Variants in SCRG1 observed in about 807,000 individuals in gnomAD.
SCRG1 encodes the protein scrapie-responsive protein 1.
SCRG1 carries 3 observed loss-of-function variants against 7.7 expected under a neutral mutation model. That is an observed-to-expected ratio of 0.39 (90% confidence interval 0.18 to 1.01). SCRG1 has a LOEUF of 1.01. Among genes scored for constraint, SCRG1 ranks in the 50% least tolerant of loss-of-function variants. The pLI is 0.36. For missense variants in SCRG1, 110 were observed against 117.2 expected (o/e 0.94, Z 0.28); for synonymous variants, 46 against 41.2 (o/e 1.12, Z -0.44).
chr4:173,434,411 C>T, the SCRG1 span, among the ~76,000 whole-genome samples: 17 of 152,136 alleles, frequency 1.1e-4, no homozygotes, highest in African/African-American at 3.6e-4. Context: ...CAACTGTAAA[C>T]CACATATTTG....
At chr4:173,514,012 T>G in the SCRG1 span, among the ~76,000 whole-genome samples, 4 of 152,226 alleles carry the variant, frequency 2.6e-5, no homozygotes, top group Admixed American at 2.0e-4. Context: ...GCTAAATATA[T>G]TCCACATAAT....
At chr4:173,479,013 C>T in the SCRG1 span, among the ~76,000 whole-genome samples, 2 of 152,186 alleles carry the variant, frequency 1.3e-5, no homozygotes, top group African/African-American at 4.8e-5. Context: ...TACTAAGAGT[C>T]TACTAGCCGT....
At chr4:173,467,482 A>G in the SCRG1 span, among the ~76,000 whole-genome samples, 1 of 152,216 alleles carries the variant, frequency 6.6e-6, no homozygotes, top group South Asian at 2.1e-4. Context: ...GGGAGAGTAG[A>G]CAAGACTGAA....
At chr4:173,408,049 T>C (rs1739949762), upstream of SCRG1, among the ~76,000 whole-genome samples, 1 of 152,236 alleles carries the variant, frequency 6.6e-6, no homozygotes, top group Admixed American at 6.5e-5. Flanking sequence ...ACTTGCTCCC[T>C]TTATGTGTAT....
the SCRG1 span, among the ~76,000 whole-genome samples, chr4:173,490,111 C>T: frequency 6.6e-3 from 1,003 of 152,208 alleles, 14 homozygotes; most frequent in African/African-American, 0.022. Flanking sequence ...AGAAGTCTGA[C>T]GATTCTAAAT....
upstream of SCRG1, among the ~76,000 whole-genome samples, chr4:173,409,841 G>A (rs1473392774): frequency 1.3e-5 from 2 of 151,906 alleles, no homozygotes; most frequent in South Asian, 2.1e-4. Context: ...CGTCCGCCTC[G>A]GCCTCCCAAA....
At chr4:173,515,115 G>T in the SCRG1 span, among the ~76,000 whole-genome samples, 2 of 152,176 alleles carry the variant, frequency 1.3e-5, no homozygotes, top group Non-Finnish European at 2.9e-5. This position sits in a 1 kb window ranked among gnomAD's most constrained non-coding sequence, Gnocchi z 4.6. Flanking sequence ...GTGGCAACTG[G>T]GGGAAACGGT....
chr4:173,498,886 G>A, the SCRG1 span, among the ~76,000 whole-genome samples: 1 of 152,154 alleles, frequency 6.6e-6, no homozygotes, highest in African/African-American at 2.4e-5. Context: ...TCTAACTATT[G>A]GTTATGTAAT....
chr4:173,492,176 G>T, the SCRG1 span, among the ~76,000 whole-genome samples: 1 of 151,582 alleles, frequency 6.6e-6, no homozygotes, highest in South Asian at 2.1e-4. Flanking sequence ...ATAAAATCAA[G>T]TATCAAAACA....
At chr4:173,435,425 T>G in the SCRG1 span, among the ~76,000 whole-genome samples, 1 of 152,212 alleles carries the variant, frequency 6.6e-6, no homozygotes, top group Non-Finnish European at 1.5e-5. Flanking sequence ...CATCCCTGTC[T>G]GGTCACCGGG....
the SCRG1 span, among the ~76,000 whole-genome samples, chr4:173,450,420 C>T: frequency 3.9e-5 from 6 of 152,146 alleles, no homozygotes; most frequent in South Asian, 2.1e-4. Flanking sequence ...TGATCCTGGG[C>T]GTTCCTGAGC....
the SCRG1 span, among the ~76,000 whole-genome samples, chr4:173,511,474 G>T: frequency 6.6e-6 from 1 of 151,896 alleles, no homozygotes; most frequent in African/African-American, 2.4e-5. The surrounding 1 kb of genome is among the most constrained non-coding windows in gnomAD (Gnocchi z 5.2). Flanking sequence ...GTTTTCTGCT[G>T]CAACTTTCTC....
chr4:173,461,932 G>C, the SCRG1 span, among the ~76,000 whole-genome samples: 2 of 151,936 alleles, frequency 1.3e-5, no homozygotes, highest in Non-Finnish European at 1.5e-5. Context: ...GGCATACCGA[G>C]GAATGTATCA....
upstream of SCRG1, among the ~76,000 whole-genome samples, chr4:173,409,854 T>C (rs1740003932): frequency 1.3e-5 from 2 of 151,930 alleles, no homozygotes; most frequent in South Asian, 4.2e-4. Flanking sequence ...CTCCCAAAGT[T>C]CTGGGATTAC....
the SCRG1 span, among the ~76,000 whole-genome samples, chr4:173,514,823 T>G: frequency 6.6e-6 from 1 of 152,236 alleles, no homozygotes; most frequent in African/African-American, 2.4e-5. Context: ...ATAAACAACT[T>G]AAGCCACTCT....
At chr4:173,498,887 G>T in the SCRG1 span, among the ~76,000 whole-genome samples, 3 of 152,206 alleles carry the variant, frequency 2.0e-5, no homozygotes, top group Non-Finnish European at 2.9e-5. Context: ...CTAACTATTG[G>T]TTATGTAATT....
the SCRG1 span, among the ~76,000 whole-genome samples, chr4:173,485,513 C>T: frequency 1.3e-5 from 2 of 151,820 alleles, no homozygotes; most frequent in African/African-American, 4.8e-5. Context: ...CAGCTGGGCC[C>T]AGCACAAATT....
chr4:173,492,081 G>A, the SCRG1 span, among the ~76,000 whole-genome samples: 2 of 152,076 alleles, frequency 1.3e-5, no homozygotes, highest in Non-Finnish European at 1.5e-5. Context: ...AGTGAGCTGT[G>A]GTTGTGTGAC....
At chr4:173,430,128 G>T in the SCRG1 span, among the ~76,000 whole-genome samples, 1 of 152,070 alleles carries the variant, frequency 6.6e-6, no homozygotes, top group African/African-American at 2.4e-5. Context: ...AAGAACTTTT[G>T]AATTACTGTA....
Sources: allele counts gnomAD v4.1 joint callset (sites outside exome capture counted in the v4.1 genomes callset), GRCh38; gene constraint gnomAD v4.1.1; non-coding constraint Gnocchi (gnomAD v3.1); transcripts MANE v1.5; gene names NCBI Gene and HGNC (gene_info 2026-07-23, HGNC 2026-07-21).